Variants in ESRRG observed in about 807,000 individuals in gnomAD.
The protein encoded by ESRRG is estrogen related receptor gamma.
Under a neutral mutation model 44.0 loss-of-function variants are expected in ESRRG, and 13 were observed. The ratio of observed to expected loss-of-function variants is 0.30; its 90% CI spans 0.19 to 0.47. The LOEUF (loss-of-function observed/expected upper bound fraction) is 0.47, where lower values mean the gene tolerates loss of function less well. ESRRG is among the 20% of genes least tolerant of loss of function. The pLI, the probability that ESRRG is intolerant of heterozygous loss-of-function variation, is 1.00. For synonymous variants in ESRRG, 215 were observed against 214.6 expected (o/e 1.00, Z -0.02); for missense variants, 395 against 580.6 (o/e 0.68, Z 3.29).
At chr1:216,524,036 G>T (rs2046895051) in intron 5 of ESRRG, among the ~76,000 whole-genome samples, 1 of 151,800 alleles carries the variant, frequency 6.6e-6, no homozygotes, top group Non-Finnish European at 1.5e-5. Flanking sequence ...GAGAAGAAAA[G>T]AATAACAGTG....
intron 5 of ESRRG, among the ~76,000 whole-genome samples, chr1:216,554,439 A>G (rs971911692): frequency 7.2e-6 from 1 of 138,706 alleles, no homozygotes; most frequent in Admixed American, 7.7e-5. Flanking sequence ...GGGCGACAAG[A>G]GTGACTCTGT....
At chr1:216,878,666 G>A (rs549897693) in intron 2 of ESRRG, among the ~76,000 whole-genome samples, 26 of 151,992 alleles carry the variant, frequency 1.7e-4, no homozygotes, top group Non-Finnish European at 2.9e-4. Flanking sequence ...TCTTTTCCCC[G>A]TTAATTTTTT....
At chr1:216,623,299 T>G (rs1226270352) in intron 3 of ESRRG, among the ~76,000 whole-genome samples, 1 of 152,052 alleles carries the variant, frequency 6.6e-6, no homozygotes, top group Non-Finnish European at 1.5e-5. Flanking sequence ...GCCAGGATGG[T>G]CTCGATCTCC....
At chr1:216,787,112 G>A (rs560397312) in intron 2 of ESRRG, among the ~76,000 whole-genome samples, 1 of 152,142 alleles carries the variant, frequency 6.6e-6, no homozygotes, top group East Asian at 1.9e-4. Context: ...AAGGTGATCT[G>A]TGATCGGTGA....
intron 2 of ESRRG, among the ~76,000 whole-genome samples, chr1:216,843,980 C>T (rs1229614518): frequency 6.6e-6 from 1 of 151,862 alleles, no homozygotes; most frequent in African/African-American, 2.4e-5. Flanking sequence ...CCTCATTTTA[C>T]CTCATGCACT....
intron 6 of ESRRG, among the ~76,000 whole-genome samples, chr1:216,513,222 G>A (rs780325925): frequency 3.7e-4 from 56 of 152,210 alleles, no homozygotes; most frequent in Non-Finnish European, 6.6e-4. Flanking sequence ...TAAAAAGAGA[G>A]AGAGAAAGAA....
chr1:216,651,268 T>C (rs1031824014), intron 2 of ESRRG, among the ~76,000 whole-genome samples, 179 bp from the exon 3 acceptor site: 1 of 152,100 alleles, frequency 6.6e-6, no homozygotes, highest in Non-Finnish European at 1.5e-5. Context: ...TCACAAAAGA[T>C]ACATGGGGCA....
At chr1:216,798,675 A>T (rs2094536461) in intron 2 of ESRRG, among the ~76,000 whole-genome samples, 1 of 152,156 alleles carries the variant, frequency 6.6e-6, no homozygotes, top group Non-Finnish European at 1.5e-5. Flanking sequence ...GATTGAGGTG[A>T]TTGTAGCTTG....
chr1:216,554,111 T>G (rs2057000187), intron 5 of ESRRG, among the ~76,000 whole-genome samples: 1 of 152,080 alleles, frequency 6.6e-6, no homozygotes, highest in East Asian at 1.9e-4. Flanking sequence ...AGTGAAATAA[T>G]ATTTCTGTAA....
At chr1:216,742,375 T>A (rs1167679092) in intron 2 of ESRRG, among the ~76,000 whole-genome samples, 2 of 152,048 alleles carry the variant, frequency 1.3e-5, no homozygotes, top group Non-Finnish European at 2.9e-5. Flanking sequence ...GGAAGAAAAA[T>A]TTGTGGTAAG....
intron 2 of ESRRG, among the ~76,000 whole-genome samples, chr1:216,823,819 T>C (rs939558180): frequency 4.6e-5 from 7 of 152,144 alleles, no homozygotes; most frequent in South Asian, 4.1e-4. Context: ...TTCTACTGGC[T>C]CCTGGCCTAT....
intron 2 of ESRRG, among the ~76,000 whole-genome samples, chr1:216,676,618 G>A (rs1575149187): frequency 6.6e-6 from 1 of 152,108 alleles, no homozygotes; most frequent in South Asian, 2.1e-4. Flanking sequence ...AAATTCTGGA[G>A]GTAGGACCCA....
rs1001974813 is a variant in ESRRG at position 216,719,781 on chromosome 1, CAT to C, written c.56+3461_56+3462del. 2.7e-4 allele frequency among the ~76,000 whole-genome samples: 41 copies of C among 152,130 alleles called. 2 individuals carry two copies. The highest frequency in any genetic ancestry group is 3.4e-3 in the Middle Eastern group (1 of 294). On this transcript the variant is annotated intron_variant, in intron 1 of 6. Coordinates refer to ENST00000408911, the MANE Select transcript of ESRRG (RefSeq NM_001438.4). ...ATATCCACAAGGGCTTTGCTAATAACATGGGTTAATTACCGCTGCAACACACT... is the reference window on the plus strand; with the variant it reads ...ATATCCACAAGGGCTTTGCTAATAACGGGTTAATTACCGCTGCAACACACT...
At chr1:216,683,441 C>T (rs575396496) in intron 1 of ESRRG, among the ~76,000 whole-genome samples, 1 of 152,154 alleles carries the variant, frequency 6.6e-6, no homozygotes, top group Non-Finnish European at 1.5e-5. Flanking sequence ...ATTCTTTGAA[C>T]AAATAACTTG....
chr1:216,537,728 C>T (rs912927063), intron 5 of ESRRG, among the ~76,000 whole-genome samples: 2 of 152,060 alleles, frequency 1.3e-5, no homozygotes, highest in Non-Finnish European at 2.9e-5. Flanking sequence ...CAGTCAAAAG[C>T]ATTCTCACTA....
intron 2 of ESRRG, among the ~76,000 whole-genome samples, chr1:216,751,671 T>C (rs974597256): frequency 6.6e-6 from 1 of 152,096 alleles, no homozygotes; most frequent in Non-Finnish European, 1.5e-5. Flanking sequence ...ATAGTTCCTG[T>C]TTCTTCCCTG....
chr1:216,935,936 A>G (rs776964569), intron 2 of ESRRG, among the ~76,000 whole-genome samples: 3 of 152,040 alleles, frequency 2.0e-5, no homozygotes, highest in Admixed American at 6.6e-5. Flanking sequence ...TTTTTATAGC[A>G]GCTTCATCCT....
intron 3 of ESRRG, among the ~76,000 whole-genome samples, chr1:216,619,351 T>C (rs185535597): frequency 1.3e-3 from 195 of 152,308 alleles, no homozygotes; most frequent in Non-Finnish European, 2.1e-3. Flanking sequence ...AGAAAAGACA[T>C]CATTGGAAAT....
chr1:217,131,315 T>G (rs887257015), intron 1 of ESRRG, among the ~76,000 whole-genome samples: 33 of 151,040 alleles, frequency 2.2e-4, no homozygotes, highest in African/African-American at 7.9e-4. Context: ...ATGACCAGGT[T>G]TATTCCAAAT....
Sources: gnomAD v4.1 joint callset for allele counts (sites outside exome capture counted in the v4.1 genomes callset) on GRCh38, gnomAD v4.1.1 for gene constraint, MANE v1.5 for transcripts, NCBI Gene and HGNC (gene_info 2026-07-23, HGNC 2026-07-21) for gene names.